CNTNAP2: variants seen among roughly 807,000 people sequenced by gnomAD.
CNTNAP2 encodes the protein contactin associated protein 2.
Under a neutral mutation model 155.2 loss-of-function variants are expected in CNTNAP2, and 98 were observed. The ratio of observed to expected loss-of-function variants is 0.63; its 90% CI spans 0.54 to 0.75. The LOEUF (loss-of-function observed/expected upper bound fraction) is 0.75. CNTNAP2 is among the 30% of genes least tolerant of loss of function. The pLI is 0.00. For missense variants in CNTNAP2, 1,727 were observed against 1,688.1 expected (o/e 1.02, Z -0.40); for synonymous variants, 651 against 631.2 (o/e 1.03, Z -0.47).
intron 22 of CNTNAP2, among the ~76,000 whole-genome samples, chr7:148,388,934 C>G (rs1481120656): frequency 6.6e-6 from 1 of 152,156 alleles, no homozygotes; most frequent in Admixed American, 6.5e-5. Flanking sequence ...AAGTGTCAGT[C>G]TGCCCCTACT....
chr7:147,451,082 A>C (rs1248078138), intron 10 of CNTNAP2, among the ~76,000 whole-genome samples: 1 of 152,124 alleles, frequency 6.6e-6, no homozygotes, highest in Non-Finnish European at 1.5e-5. Flanking sequence ...TCCACTATCT[A>C]CCAACGTGCT....
At position 147,427,939 on chromosome 7, in the gene CNTNAP2, G is replaced by T. The variant is rs534860703; in HGVS notation, c.1670+32159G>T. 3.9e-4 allele frequency among the ~76,000 whole-genome samples: 60 copies of T among 151,972 alleles called. 1 individual carries two copies. The highest frequency in any genetic ancestry group is 1.4e-3 in the African/African-American group (58 of 41,458). On this transcript the variant is annotated intron_variant, in intron 10 of 23. Coordinates refer to ENST00000361727, the MANE Select transcript of CNTNAP2 (RefSeq NM_014141.6). Reference sequence around the variant, plus strand: ...CTTAGAAAAGAATGCTAAAAGAAAGGGTATAAGGCAAGGAAAATCTGGCAA... The same window carrying T: ...CTTAGAAAAGAATGCTAAAAGAAAGTGTATAAGGCAAGGAAAATCTGGCAA...
intron 14 of CNTNAP2, among the ~76,000 whole-genome samples, chr7:147,947,321 G>A (rs1466216901): frequency 6.6e-6 from 1 of 151,768 alleles, no homozygotes; most frequent in Non-Finnish European, 1.5e-5. Flanking sequence ...TTCCTAGTCA[G>A]ATAAGGAAAT....
At chr7:147,755,337 G>A (rs1173169827) in intron 13 of CNTNAP2, among the ~76,000 whole-genome samples, 2 of 152,146 alleles carry the variant, frequency 1.3e-5, no homozygotes, top group Non-Finnish European at 2.9e-5. Context: ...TTTACTGTTC[G>A]GTTCTGTTCT....
intron 1 of CNTNAP2, among the ~76,000 whole-genome samples, chr7:146,157,253 C>T (rs1409511573): frequency 6.6e-6 from 1 of 151,938 alleles, no homozygotes; most frequent in Non-Finnish European, 1.5e-5. Flanking sequence ...CTGTACTCTT[C>T]TTCAATAATA....
chr7:146,321,349 A>T (rs1478096714), intron 1 of CNTNAP2, among the ~76,000 whole-genome samples: 1 of 152,204 alleles, frequency 6.6e-6, no homozygotes, highest in Non-Finnish European at 1.5e-5. Context: ...GGATGGAAAG[A>T]TTAGTGCCAT....
intron 13 of CNTNAP2, among the ~76,000 whole-genome samples, chr7:147,749,082 G>T (rs1420026683): frequency 2.6e-5 from 4 of 152,232 alleles, no homozygotes; most frequent in African/African-American, 9.6e-5. Context: ...AATGCAATTG[G>T]TTATACAATA....
At chr7:147,780,364 T>A (rs1458586935) in intron 13 of CNTNAP2, among the ~76,000 whole-genome samples, 1 of 152,200 alleles carries the variant, frequency 6.6e-6, no homozygotes, top group Admixed American at 6.5e-5. Context: ...AAGCAATACT[T>A]TTACATTAAC....
chr7:147,363,153 A>G (rs1048895399), intron 9 of CNTNAP2, among the ~76,000 whole-genome samples: 8 of 152,154 alleles, frequency 5.3e-5, no homozygotes, highest in African/African-American at 1.9e-4. Context: ...TTCAGATGAT[A>G]TCATGAGAGT....
At chr7:147,219,751 CAT>C (rs1265223987) in intron 8 of CNTNAP2, among the ~76,000 whole-genome samples, 4 of 152,114 alleles carry the variant, frequency 2.6e-5, no homozygotes, top group Admixed American at 2.6e-4. Context: ...TTAATCCACT[CAT>C]GAGAGCAAAG....
chr7:146,447,360 A>G (rs1191482457), intron 1 of CNTNAP2, among the ~76,000 whole-genome samples: 2 of 152,062 alleles, frequency 1.3e-5, no homozygotes, highest in Non-Finnish European at 2.9e-5. Context: ...GCATGTCTGA[A>G]GTTGAGGTTC....
intron 3 of CNTNAP2, among the ~76,000 whole-genome samples, chr7:146,924,985 T>G (rs1325309608): frequency 2.0e-5 from 3 of 152,172 alleles, no homozygotes; most frequent in Non-Finnish European, 2.9e-5. Flanking sequence ...ATATGCCATA[T>G]TCTTATTTTC....
rs138594553 is a variant in CNTNAP2, at chr7:147,626,063, T to A, written c.1898-13043T>A. 5.5e-3 allele frequency among the ~76,000 whole-genome samples: 836 copies of A among 152,038 alleles called. 2 individuals carry two copies. Among genetic ancestry groups the A allele is most frequent in the Non-Finnish European group, 8.9e-3 (605 of 67,978 alleles). ...CTCTGATGATATCTTATAGGGGCCCTTGGGGAAGGCAGCCAGAGGAATTGG... is the reference window on the plus strand; with the variant it reads ...CTCTGATGATATCTTATAGGGGCCCATGGGGAAGGCAGCCAGAGGAATTGG... On this transcript the variant is annotated intron_variant, in intron 12 of 23. Coordinates refer to ENST00000361727, the MANE Select transcript of CNTNAP2 (RefSeq NM_014141.6).
At chr7:147,452,901 T>C (rs986361251) in intron 10 of CNTNAP2, among the ~76,000 whole-genome samples, 5 of 109,608 alleles carry the variant, frequency 4.6e-5, no homozygotes, top group African/African-American at 1.8e-4. Context: ...ACAAAGAATA[T>C]AAAGGAATGA....
intron 13 of CNTNAP2, among the ~76,000 whole-genome samples, chr7:147,714,846 C>A (rs544351525): frequency 6.6e-6 from 1 of 152,234 alleles, no homozygotes; most frequent in South Asian, 2.1e-4. Context: ...GGAATCTACA[C>A]CCTCATCCCT....
At chr7:146,563,239 A>G (rs981799296) in intron 1 of CNTNAP2, among the ~76,000 whole-genome samples, 2 of 152,018 alleles carry the variant, frequency 1.3e-5, no homozygotes, top group Non-Finnish European at 2.9e-5. Context: ...TTCTGCAACT[A>G]TATTCTTGCA....
At position 147,603,337 on chromosome 7, in the gene CNTNAP2, G is replaced by GT. The variant is rs561882437; in HGVS notation, c.1898-35762dup. Among the ~76,000 whole-genome samples the GT allele has an allele frequency of 3.3e-4, 50 of 152,142 alleles. No homozygotes were observed. In the South Asian group the frequency reaches 7.9e-3, roughly 24 times the overall value. ...TGCCCACTTGTTGATGGGGTTGTTT[G>GT]TTTTTTTCTTGTAAATTTGTTTGAG... On this transcript the variant is annotated intron_variant, in intron 12 of 23. Coordinates refer to ENST00000361727, the MANE Select transcript of CNTNAP2 (RefSeq NM_014141.6).
chr7:146,796,348 C>T (rs1802768342), intron 2 of CNTNAP2, among the ~76,000 whole-genome samples: 1 of 152,160 alleles, frequency 6.6e-6, no homozygotes, highest in Non-Finnish European at 1.5e-5. Flanking sequence ...ATCCATCTCC[C>T]TGAGGAGTTC....
intron 12 of CNTNAP2, among the ~76,000 whole-genome samples, chr7:147,588,957 G>A (rs1458521384): frequency 6.6e-6 from 1 of 152,242 alleles, no homozygotes; most frequent in African/African-American, 2.4e-5. Context: ...CATTATAAGG[G>A]TATATGTTGA....
Sources: gnomAD v4.1 joint callset for allele counts (sites outside exome capture counted in the v4.1 genomes callset) on GRCh38, gnomAD v4.1.1 for gene constraint, MANE v1.5 for transcripts, NCBI Gene and HGNC (gene_info 2026-07-23, HGNC 2026-07-21) for gene names.